The following SLC7A9 variants were observed in gnomAD, a reference collection of about 807,000 sequenced individuals.
SLC7A9 encodes solute carrier family 7 member 9.
Under a neutral mutation model 54.1 loss-of-function variants are expected in SLC7A9, and 38 were observed. The observed-to-expected ratio is 0.70, with a 90% CI of 0.54 to 0.92. The LOEUF (loss-of-function observed/expected upper bound fraction) is 0.92, where lower values mean the gene tolerates loss of function less well. Ranked by LOEUF, SLC7A9 falls within the 40% of genes least tolerant of loss-of-function variation. The pLI, the probability that SLC7A9 is intolerant of heterozygous loss-of-function variation, is 0.00. For missense variants in SLC7A9, 537 were observed against 636.1 expected, an observed-to-expected ratio of 0.84 and a Z score of 1.68; for synonymous variants, 264 against 258.9, an observed-to-expected ratio of 1.02 and a Z score of -0.19.
In SLC7A9 at chr19:32,864,199, G is replaced by C. The variant is rs773926050; in HGVS notation, c.375C>G (p.Phe125Leu). The change falls in exon 4 of 13, where the codon TTC becomes TTG. Residue 125 changes from phenylalanine (F) to leucine (L), a missense_variant. Phe to Leu is a conservative substitution (Grantham distance 22). Coordinates refer to ENST00000023064, the MANE Select transcript of SLC7A9 (RefSeq NM_014270.5). ...ASLIVIKPTS[F>L]AIICLSFSEY... ...CGGAGAAGCTGAGGCAGATGATGGC[G>C]AAGGACGTGGGCTTAATGACGATCA... is the stretch of plus-strand genomic sequence containing the variant. 1 of 1,614,224 alleles carries C rather than the reference G, an allele frequency of 6.2e-7. No individual in the cohort carries two copies. Among genetic ancestry groups the C allele is most frequent in the African/African-American group, 1.3e-5 (1 of 75,066 alleles).
At chr19:32,853,916 C>CAA (rs139253538) in intron 9 of SLC7A9, among the ~76,000 whole-genome samples, 61 of 119,804 alleles carry the variant, frequency 5.1e-4, no homozygotes, top group Non-Finnish European at 8.0e-4. Context: ...GATCCTGTCT[C>CAA]AAAAAAAAAA....
chr19:32,865,398 G>C (rs895080942), intron 2 of SLC7A9, among the ~76,000 whole-genome samples: 2 of 152,174 alleles, frequency 1.3e-5, no homozygotes, highest in Non-Finnish European at 2.9e-5. Context: ...CGAACTCCTG[G>C]GCTCAAACAA....
intron 9 of SLC7A9, among the ~76,000 whole-genome samples, chr19:32,852,009 C>T (rs868207393): frequency 6.8e-5 from 10 of 146,370 alleles, no homozygotes; most frequent in Non-Finnish European, 1.3e-4. Flanking sequence ...CATCACACTC[C>T]GGGGACTGTT....
chr19:32,850,826 A>C (rs1373911459), intron 9 of SLC7A9, among the ~76,000 whole-genome samples: 1 of 152,200 alleles, frequency 6.6e-6, no homozygotes, highest in Non-Finnish European at 1.5e-5. Flanking sequence ...CAAAACAGAG[A>C]GATACATCAA....
chr19:32,857,218 G>A (rs1479525011), intron 9 of SLC7A9, among the ~76,000 whole-genome samples: 1 of 152,094 alleles, frequency 6.6e-6, no homozygotes, highest in East Asian at 1.9e-4. Context: ...GTGGAGGCAG[G>A]AGGATCACTT....
rs777616683 is a variant in SLC7A9, at chr19:32,864,588, G to A, written c.235+41C>T. On this transcript the variant is annotated intron_variant, in intron 3 of 12. Transcript: ENST00000023064. ...GGTAGCAGCTGCCTGGCGTGCCCCTGCATGCTTCCGGGGCTGCAACAGGCT... is the reference window on the plus strand; with the variant it reads ...GGTAGCAGCTGCCTGGCGTGCCCCTACATGCTTCCGGGGCTGCAACAGGCT... 5 of 1,608,934 alleles carry A rather than the reference G, an allele frequency of 3.1e-6. No homozygotes were observed. In the African/African-American group the frequency reaches 5.3e-5, roughly 17 times the overall value.
intron 9 of SLC7A9, among the ~76,000 whole-genome samples, chr19:32,856,875 G>A (rs112201047): frequency 3.3e-5 from 5 of 152,130 alleles, no homozygotes; most frequent in African/African-American, 7.2e-5. Context: ...TAAGGCGGCC[G>A]GGTGTGGTGG....
chr19:32,867,021 A>T (rs915636978), intron 2 of SLC7A9, among the ~76,000 whole-genome samples: 1 of 151,972 alleles, frequency 6.6e-6, no homozygotes, highest in African/African-American at 2.4e-5. Flanking sequence ...CCTTCCCCCC[A>T]GCCCCAAGCT....
chr19:32,864,259 C>T lies in SLC7A9; in HGVS notation c.315G>A (p.Gly105=). The change falls in exon 4 of 13, where the codon GGG becomes GGA. Residue 105 remains glycine, a synonymous_variant. Coordinates refer to ENST00000023064, the MANE Select transcript of SLC7A9 (RefSeq NM_014270.5). ...GEYPYLMEAY[G]PIPAYLFSWA... The stretch of plus-strand genomic sequence containing the variant: ...AGGAGAAGAGGTAGGCGGGGATGGG[C>T]CCGTAGGCCTCCATCAGGTAGGGAT... The T allele has an allele frequency of 6.2e-7, 1 of 1,614,126 alleles. No homozygotes were observed. Among genetic ancestry groups the T allele is most frequent in the Non-Finnish European group, 8.5e-7 (1 of 1,180,010 alleles).
Position 32,833,329 on chromosome 19 carries a change from G to T in SLC7A9, c.1225-6C>A. 6.2e-7 allele frequency: 1 copy of T among 1,614,070 alleles called. No homozygotes were observed. Among genetic ancestry groups the T allele is most frequent in the South Asian group, 1.1e-5 (1 of 91,080 alleles). ...ACGGGAATGACTACGGGCACCTGGAGACGAAAAACAGGTCATGGGTACCCA... is the reference window on the plus strand; with the variant it reads ...ACGGGAATGACTACGGGCACCTGGATACGAAAAACAGGTCATGGGTACCCA... On this transcript the variant is annotated splice_polypyrimidine_tract_variant and splice_region_variant and intron_variant, in intron 11 of 12. Transcript: ENST00000023064.
At chr19:32,849,309 T>G (rs1968394906) in intron 9 of SLC7A9, among the ~76,000 whole-genome samples, 2 of 151,726 alleles carry the variant, frequency 1.3e-5, no homozygotes, top group Admixed American at 1.3e-4. Context: ...AGAAAAGAGA[T>G]AAGAATCAAA....
intron 9 of SLC7A9, among the ~76,000 whole-genome samples, chr19:32,857,798 G>A (rs1968670743): frequency 6.6e-6 from 1 of 152,168 alleles, no homozygotes; most frequent in Admixed American, 6.6e-5. Context: ...GCAGTCTCTA[G>A]ACCAGATGGG....
chr19:32,862,610 G>A (rs367632745), intron 4 of SLC7A9, 24 bp from the exon 5 acceptor site: 26 of 1,612,732 alleles, frequency 1.6e-5, no homozygotes, highest in Non-Finnish European at 2.2e-5. Flanking sequence ...GACAGTTTCT[G>A]CATTTATGGT....
At chr19:32,847,873 G>A (rs1968347170) in intron 9 of SLC7A9, among the ~76,000 whole-genome samples, 1 of 152,150 alleles carries the variant, frequency 6.6e-6, no homozygotes, top group South Asian at 2.1e-4. Context: ...GAGAGTGGGG[G>A]CCAACATTCA....
intron 9 of SLC7A9, among the ~76,000 whole-genome samples, chr19:32,857,721 C>T (rs1599678076): frequency 2.0e-5 from 3 of 152,178 alleles, no homozygotes; most frequent in Admixed American, 6.5e-5. Flanking sequence ...ACCACCCACA[C>T]CCAGGTGTGA....
chr19:32,855,429 G>A (rs1440219475), intron 9 of SLC7A9, among the ~76,000 whole-genome samples: 4 of 152,204 alleles, frequency 2.6e-5, no homozygotes, highest in East Asian at 3.9e-4. Flanking sequence ...GCCGGGCGCG[G>A]TGGCTCACGC....
intron 9 of SLC7A9, among the ~76,000 whole-genome samples, chr19:32,849,586 G>A (rs1166738381): frequency 9.2e-5 from 14 of 151,546 alleles, no homozygotes; most frequent in Admixed American, 6.6e-4. Context: ...ATTCACAGCC[G>A]AATTCTACCA....
chr19:32,860,579 T>G lies in SLC7A9; in HGVS notation c.749+27A>C, dbSNP rs759350035. ...AAGAGAAATCAGGCTGCCCGGCTACTGTCCTCTGCACTGATTCAGCTGTTA... is the reference window on the plus strand; with the variant it reads ...AAGAGAAATCAGGCTGCCCGGCTACGGTCCTCTGCACTGATTCAGCTGTTA... On this transcript the variant is annotated intron_variant, in intron 7 of 12. Coordinates refer to ENST00000023064, the MANE Select transcript of SLC7A9 (RefSeq NM_014270.5). 9 of 1,614,114 alleles carry G rather than the reference T, an allele frequency of 5.6e-6. No homozygotes were observed. In the East Asian group the frequency reaches 8.9e-5, roughly 16 times the overall value.
In SLC7A9 at chr19:32,858,412, C is replaced by A. The variant is rs201509227; in HGVS notation, c.977+28G>T. ...TATTGCTTTCGCCGCCCCTGTCCAC[C>A]CTGGGAGTGACGGTGGGGGTCCCCT... On this transcript the variant is annotated intron_variant, in intron 9 of 12. Transcript: ENST00000023064. 5 of 1,517,760 alleles carry A rather than the reference C, an allele frequency of 3.3e-6. No homozygotes were observed. The African/African-American group carries it at 4.1e-5, about 12-fold the overall frequency. 94.0% of individuals were successfully genotyped at this position (1,517,760 alleles called of 1,614,324 possible).
Sources: allele counts gnomAD v4.1 joint callset (sites outside exome capture counted in the v4.1 genomes callset), GRCh38; gene constraint gnomAD v4.1.1; transcripts MANE v1.5; gene names NCBI Gene and HGNC (gene_info 2026-07-23, HGNC 2026-07-21).